MED15: variants seen among roughly 807,000 people sequenced by gnomAD.
The protein encoded by MED15 is mediator complex subunit 15.
A neutral mutation model predicts 118.7 loss-of-function variants in MED15; 41 were observed. The ratio of observed to expected loss-of-function variants is 0.35; its 90% CI spans 0.27 to 0.45. MED15 has a LOEUF of 0.45. Among genes scored for constraint, MED15 ranks in the 20% least tolerant of loss-of-function variants. MED15 has a pLI of 1.00. For synonymous variants in MED15, 436 were observed against 413.9 expected (o/e 1.05, Z -0.65); for missense variants, 740 against 1,025.5 (o/e 0.72, Z 3.80).
Position 20,568,553 on chromosome 22 carries a change from A to C in MED15, c.1074A>C (p.Pro358=). Residue 358 remains proline (P), a synonymous_variant, in exon 8 of 18, where the codon CCA becomes CCC. Transcript: ENST00000263205. ...VRAPMVVQQP[P]VQPQVQQQQT... ...CTCCGATGGTGGTGCAGCAGCCCCC[A>C]GTGCAGCCCCAGGTGCAGCAGCAGC... 6.2e-7 allele frequency: 1 copy of C among 1,613,852 alleles called. No individual in the cohort carries two copies. The highest frequency in any genetic ancestry group is 8.5e-7 in the Non-Finnish European group (1 of 1,179,996).
chr22:20,583,315 C>A lies in MED15; in HGVS notation c.1673-15C>A. 1 of 1,613,396 alleles carries A rather than the reference C, an allele frequency of 6.2e-7. No homozygotes were observed. Among genetic ancestry groups the A allele is most frequent in the Non-Finnish European group, 8.5e-7 (1 of 1,179,968 alleles). On this transcript the variant is annotated splice_polypyrimidine_tract_variant and intron_variant, in intron 12 of 17. Coordinates refer to ENST00000263205, the MANE Select transcript of MED15 (RefSeq NM_001003891.3). ...ACCAGGCTTGTGTCTTAGTGTGTAC[C>A]CTCTTCTGTCCCAGACAGAAAAAAG...
intron 2 of MED15, among the ~76,000 whole-genome samples, chr22:20,548,551 T>C (rs939720482): frequency 6.6e-6 from 1 of 152,198 alleles, no homozygotes; most frequent in African/African-American, 2.4e-5. Context: ...AGAGGGCACA[T>C]TTCCAGCCCA....
intron 1 of MED15, among the ~76,000 whole-genome samples, chr22:20,514,649 A>G (rs1473416070): frequency 6.6e-6 from 1 of 152,218 alleles, no homozygotes; most frequent in Non-Finnish European, 1.5e-5. Context: ...CAGGTCAGCC[A>G]CCTCTTCTAG....
At chr22:20,551,398 T>G in intron 2 of MED15, 38 bp from the exon 3 acceptor site, 1 of 1,597,990 alleles carries the variant, frequency 6.3e-7, no homozygotes, top group South Asian at 1.1e-5. Flanking sequence ...CTGCGCTTCT[T>G]CATCTGGTAT....
chr22:20,547,866 C>A (rs189624962), intron 2 of MED15, among the ~76,000 whole-genome samples: 40 of 152,030 alleles, frequency 2.6e-4, no homozygotes, highest in African/African-American at 9.2e-4. Flanking sequence ...GGACATGGTA[C>A]TGCATGCATG....
At chr22:20,544,976 C>T (rs371691594) in intron 2 of MED15, among the ~76,000 whole-genome samples, 1 of 152,190 alleles carries the variant, frequency 6.6e-6, no homozygotes, top group South Asian at 2.1e-4. Flanking sequence ...TGGGGTCCAC[C>T]CGCATAACCC....
At chr22:20,531,131 C>T (rs115226093) in intron 1 of MED15, among the ~76,000 whole-genome samples, 4,482 of 152,282 alleles carry the variant, frequency 0.029, 228 homozygotes, top group African/African-American at 0.1. Flanking sequence ...TTGCCTCAGG[C>T]CTCCCTGGCC....
At chr22:20,552,598 C>T in intron 3 of MED15, 1 of 430,508 alleles carries the variant, frequency 2.3e-6, no homozygotes, top group Admixed American at 2.9e-5. Flanking sequence ...TGGGAAGCAG[C>T]CGAGCAGGAG....
intron 1 of MED15, among the ~76,000 whole-genome samples, chr22:20,521,697 T>C (rs2054467114): frequency 1.3e-5 from 1 of 75,014 alleles, no homozygotes; most frequent in South Asian, 4.3e-4. Flanking sequence ...CGCCTGGCCT[T>C]ATTTATTTAT....
At chr22:20,547,089 A>ATCTTGGTT (rs1229640050) in intron 2 of MED15, among the ~76,000 whole-genome samples, 1 of 152,174 alleles carries the variant, frequency 6.6e-6, no homozygotes, top group East Asian at 1.9e-4. Flanking sequence ...TACTATGAAT[A>ATCTTGGTT]TCTTGGTTTC....
chr22:20,573,298 C>G (rs1422048433), intron 8 of MED15, among the ~76,000 whole-genome samples: 2 of 152,204 alleles, frequency 1.3e-5, no homozygotes, highest in East Asian at 3.8e-4. Context: ...GTCCCTATAC[C>G]TTTGTCATTT....
intron 1 of MED15, among the ~76,000 whole-genome samples, chr22:20,533,021 A>G (rs2146424894): frequency 6.6e-6 from 1 of 151,938 alleles, no homozygotes; most frequent in South Asian, 2.1e-4. Flanking sequence ...TTTTCAGGAG[A>G]CAGAGACTGA....
chr22:20,559,566 T>G (rs1251630926), intron 5 of MED15, among the ~76,000 whole-genome samples: 4 of 152,270 alleles, frequency 2.6e-5, no homozygotes, highest in Admixed American at 2.6e-4. Flanking sequence ...CCATCTCATC[T>G]GCTGTGAGAC....
intron 6 of MED15, 98 bp downstream of exon 6, chr22:20,564,786 C>T (rs1248758741): frequency 1.2e-5 from 18 of 1,563,776 alleles, no homozygotes; most frequent in African/African-American, 4.0e-5. Context: ...CGGAGCCAGC[C>T]GAGGGTTCTC....
intron 1 of MED15, 35 bp downstream of exon 1, chr22:20,507,781 G>T: frequency 6.2e-7 from 1 of 1,613,454 alleles, no homozygotes; most frequent in South Asian, 1.1e-5. Context: ...CTGGATTGTG[G>T]GACCTTCCTC....
In MED15 at chr22:20,555,856, G is replaced by C. The variant is rs150162872; in HGVS notation, c.451+708G>C. Among the ~76,000 whole-genome samples, 12 of 152,338 alleles carry C rather than the reference G, an allele frequency of 7.9e-5. No individual in the cohort carries two copies. In the East Asian group the frequency reaches 2.1e-3, roughly 27 times the overall value. ...CACACCACAGCCTCCAAAGTAGCTGGGACTATAGGCTCACAGCACCGCGCC... is the reference window on the plus strand; with the variant it reads ...CACACCACAGCCTCCAAAGTAGCTGCGACTATAGGCTCACAGCACCGCGCC... On this transcript the variant is annotated intron_variant, in intron 5 of 17. Coordinates refer to ENST00000263205, the MANE Select transcript of MED15 (RefSeq NM_001003891.3).
chr22:20,552,443 G>A (rs2055817015), intron 3 of MED15: 1 of 345,758 alleles, frequency 2.9e-6, no homozygotes, highest in Admixed American at 4.2e-5. Context: ...CACTCTCTGT[G>A]GTGTTGGAAA....
intron 5 of MED15, 115 bp from the exon 6 acceptor site, chr22:20,564,335 G>A: frequency 1.3e-6 from 2 of 1,524,030 alleles, no homozygotes; most frequent in African/African-American, 2.8e-5. Flanking sequence ...TCAGATTCCA[G>A]CGGCAGCCGT....
intron 2 of MED15, among the ~76,000 whole-genome samples, chr22:20,543,870 T>G (rs115166844): frequency 0.03 from 4,521 of 152,262 alleles, 230 homozygotes; most frequent in African/African-American, 0.1. Context: ...AGCTGAGTCT[T>G]GAATGCTTTG....
Sources: gnomAD v4.1 joint callset for allele counts (sites outside exome capture counted in the v4.1 genomes callset) on GRCh38, gnomAD v4.1.1 for gene constraint, MANE v1.5 for transcripts, NCBI Gene and HGNC (gene_info 2026-07-23, HGNC 2026-07-21) for gene names.